Variants in NBEA observed in about 807,000 individuals in gnomAD.
NBEA encodes the protein lysosomal-trafficking regulator 2.
A neutral mutation model predicts 343.4 loss-of-function variants in NBEA; 44 were observed. The observed-to-expected ratio is 0.13, with a 90% CI of 0.10 to 0.16. The LOEUF is 0.16. Among genes scored for constraint, NBEA ranks in the 10% least tolerant of loss-of-function variants. The pLI is 1.00. For missense variants in NBEA, 2,555 were observed against 3,631.3 expected, an observed-to-expected ratio of 0.70 and a Z score of 7.62; for synonymous variants, 1,175 against 1,238.7, an observed-to-expected ratio of 0.95 and a Z score of 1.08.
intron 36 of NBEA, among the ~76,000 whole-genome samples, chr13:35,334,422 A>G (rs2039122349): frequency 6.6e-6 from 1 of 152,020 alleles, no homozygotes; most frequent in Non-Finnish European, 1.5e-5. Flanking sequence ...GGTGCCCACT[A>G]CCACGCCCAG....
At chr13:35,605,276 T>C (rs940298425) in intron 47 of NBEA, among the ~76,000 whole-genome samples, 2 of 152,164 alleles carry the variant, frequency 1.3e-5, no homozygotes, top group African/African-American at 4.8e-5. Context: ...ATAAGAGTAA[T>C]GGTCAGTTTC....
chr13:35,438,436 A>G (rs1330910874), intron 39 of NBEA, among the ~76,000 whole-genome samples: 1 of 152,256 alleles, frequency 6.6e-6, no homozygotes, highest in African/African-American at 2.4e-5. Flanking sequence ...TTGTTGAGAA[A>G]GAAGCTATCA....
chr13:35,416,229 T>C (rs955021934), intron 38 of NBEA, among the ~76,000 whole-genome samples: 9 of 152,178 alleles, frequency 5.9e-5, no homozygotes, highest in Non-Finnish European at 1.5e-5. Context: ...CCTTTATTTC[T>C]TTCTCTTGCC....
chr13:35,110,166 A>C, intron 12 of NBEA, among the ~76,000 whole-genome samples: 1 of 148,106 alleles, frequency 6.8e-6, no homozygotes, highest in Admixed American at 6.8e-5. Flanking sequence ...CTAACGTGTC[A>C]TCTAGCATTA....
Position 35,300,853 on chromosome 13 carries a change from G to A in NBEA, c.5839-8675G>A, listed in dbSNP as rs576839251. On this transcript the variant is annotated intron_variant, in intron 35 of 58. Transcript: ENST00000379939. ...TAGGATACATTTTTCTTCTCATTCC[G>A]TTTTTTTCTTTATACTTATGCATTT... 4.0e-4 allele frequency among the ~76,000 whole-genome samples: 61 copies of A among 151,916 alleles called. 2 individuals carry two copies. Among genetic ancestry groups the A allele is most frequent in the Admixed American group, 3.1e-3 (47 of 15,250 alleles).
chr13:35,134,594 A>G (rs569184777), intron 17 of NBEA, among the ~76,000 whole-genome samples: 2 of 152,158 alleles, frequency 1.3e-5, no homozygotes, highest in African/African-American at 2.4e-5. Context: ...TCTGTACTTC[A>G]TAGCAAAAAC....
At chr13:35,385,422 A>T (rs570623431) in intron 38 of NBEA, among the ~76,000 whole-genome samples, 1 of 152,332 alleles carries the variant, frequency 6.6e-6, no homozygotes, top group South Asian at 2.1e-4. Context: ...TAGTTGGGCC[A>T]GGAATGGTGG....
intron 41 of NBEA, among the ~76,000 whole-genome samples, chr13:35,543,526 G>T (rs2153007135): frequency 6.6e-6 from 1 of 152,132 alleles, no homozygotes; most frequent in Admixed American, 6.5e-5. Context: ...CTTGCAAAAG[G>T]ATTTTTTTTT....
At chr13:35,327,665 A>G (rs2038659550) in intron 36 of NBEA, among the ~76,000 whole-genome samples, 3 of 151,930 alleles carry the variant, frequency 2.0e-5, no homozygotes, top group South Asian at 4.1e-4. Flanking sequence ...CTTAAAGACT[A>G]TCTGTTGGGC....
chr13:35,145,874 C>G (rs2068387454), intron 18 of NBEA, among the ~76,000 whole-genome samples: 1 of 152,068 alleles, frequency 6.6e-6, no homozygotes, highest in African/African-American at 2.4e-5. Context: ...ACAGGGAGGA[C>G]AGGACTATTA....
chr13:35,109,508 T>C (rs2066079441), intron 12 of NBEA, 66 bp downstream of exon 12: 1 of 1,349,110 alleles, frequency 7.4e-7, no homozygotes, highest in South Asian at 1.8e-5. Context: ...GCTGGATCTA[T>C]AGTATTCAGT....
At chr13:35,156,495 C>T (rs1480231888) in intron 20 of NBEA, among the ~76,000 whole-genome samples, 4 of 151,978 alleles carry the variant, frequency 2.6e-5, no homozygotes, top group African/African-American at 7.2e-5. Flanking sequence ...CTATCTATCA[C>T]CAATGGAACT....
At chr13:34,980,451 C>CATTTATTT (rs10569517) in intron 1 of NBEA, among the ~76,000 whole-genome samples, 6,457 of 147,542 alleles carry the variant, frequency 0.044, 207 homozygotes, top group Non-Finnish European at 0.065. Flanking sequence ...ATTTTTATTA[C>CATTTATTT]ATTTATTTAT....
At chr13:35,156,626 C>T (rs1161596197) in intron 20 of NBEA, among the ~76,000 whole-genome samples, 4 of 152,046 alleles carry the variant, frequency 2.6e-5, no homozygotes, top group African/African-American at 4.8e-5. Context: ...AAGTCTGAGG[C>T]CATGAACTCT....
chr13:35,599,632 G>A (rs115499330), intron 47 of NBEA, among the ~76,000 whole-genome samples: 30 of 152,344 alleles, frequency 2.0e-4, no homozygotes, highest in African/African-American at 6.3e-4. Flanking sequence ...GCTGCCCTAA[G>A]AAGCCTTGCA....
At chr13:35,260,534 T>C (rs7988410) in intron 34 of NBEA, among the ~76,000 whole-genome samples, 6,303 of 152,284 alleles carry the variant, frequency 0.041, 405 homozygotes, top group African/African-American at 0.14. Context: ...GAAAGGGAAT[T>C]TCCAGTAAAT....
At chr13:35,417,072 C>T (rs9530554) in intron 38 of NBEA, among the ~76,000 whole-genome samples, 22,892 of 152,034 alleles carry the variant, frequency 0.15, 1,826 homozygotes, top group East Asian at 0.32. Context: ...TCTGTGGAAA[C>T]GGTGGTGATG....
chr13:35,611,045 GA>G (rs35066386), intron 48 of NBEA, among the ~76,000 whole-genome samples: 5,149 of 141,968 alleles, frequency 0.036, 196 homozygotes, highest in African/African-American at 0.095. Context: ...TTAAAAGGGG[GA>G]AAAAAAAAAA....
chr13:35,599,562 T>C (rs1433968520), intron 47 of NBEA, among the ~76,000 whole-genome samples: 1 of 152,202 alleles, frequency 6.6e-6, no homozygotes, highest in Non-Finnish European at 1.5e-5. Flanking sequence ...CTCTATTGCA[T>C]GTGGTAACTG....
Sources: gnomAD v4.1 joint callset for allele counts (sites outside exome capture counted in the v4.1 genomes callset) on GRCh38, gnomAD v4.1.1 for gene constraint, MANE v1.5 for transcripts, NCBI Gene and HGNC (gene_info 2026-07-23, HGNC 2026-07-21) for gene names.